The following CTSB variants were observed in gnomAD, a reference collection of about 807,000 sequenced individuals.
The protein encoded by CTSB is APP secretase.
Under a neutral mutation model 44.3 loss-of-function variants are expected in CTSB, and 57 were observed. That is an observed-to-expected ratio of 1.29 (90% CI 1.04 to 1.60). The LOEUF (loss-of-function observed/expected upper bound fraction) is 1.60. Ranked by LOEUF, CTSB falls within the 40% of genes most tolerant of loss-of-function variation. The pLI is 0.00. For missense variants in CTSB, 768 were observed against 443.0 expected (o/e 1.73, Z -6.59); for synonymous variants, 320 against 168.0 (o/e 1.91, Z -7.00).
At position 11,853,483 on chromosome 8, in the gene CTSB, G is replaced by C; in HGVS notation, c.-25-4C>G. On this transcript the variant is annotated splice_polypyrimidine_tract_variant and splice_region_variant and intron_variant, in intron 1 of 9. Transcript: ENST00000353047. ...GGAAGCCGGATCCTAGATCCACCTG[G>C]AGAGGACAGAGGGCATCAGGACACC... The C allele has an allele frequency of 2.5e-6, 4 of 1,608,110 alleles. No homozygotes were observed. The highest frequency in any genetic ancestry group is 3.4e-6 in the Non-Finnish European group (4 of 1,178,326).
chr8:11,867,474 T>A (rs1817325747), intron 1 of CTSB: 1 of 152,308 alleles, frequency 6.6e-6, no homozygotes. Context: ...ACCTGTCTTC[T>A]GGGGTCCCAG....
At chr8:11,854,782 G>A (rs1394003128) in intron 1 of CTSB, 1 of 152,226 alleles carries the variant, frequency 6.6e-6, no homozygotes, top group East Asian at 1.9e-4. Context: ...CACCCAGCCA[G>A]TGGAAAAGAG....
At chr8:11,848,564 A>G (rs1563392583) in intron 5 of CTSB, 6 of 340,862 alleles carry the variant, frequency 1.8e-5, no homozygotes, top group Non-Finnish European at 1.2e-5. Flanking sequence ...AAGCCCATGC[A>G]TTTTTTTAAG....
rs1300546462 is a variant in CTSB at position 11,843,797 on chromosome 8, G to A, written c.*1328C>T. On this transcript the variant is annotated 3_prime_UTR_variant, in exon 10 of 10. Transcript: ENST00000353047. Reference sequence around the variant, plus strand: ...TGTAATCCCAACACTTTGGGAGGCTGAGGCAGGCAGACCACCTGAGGCCGG... The same window carrying A: ...TGTAATCCCAACACTTTGGGAGGCTAAGGCAGGCAGACCACCTGAGGCCGG... 21 of 152,312 alleles carry A rather than the reference G, an allele frequency of 1.4e-4. No individual in the cohort carries two copies. The highest frequency in any genetic ancestry group is 4.6e-4 in the African/African-American group (19 of 41,524). The allele number at this position is 152,312 out of a possible 1,614,324, so 9.4% of individuals were successfully genotyped here. A position where few individuals can be genotyped will look rare whatever the true frequency, so the allele number is the denominator to read the frequency against.
intron 9 of CTSB, 152 bp from the exon 10 acceptor site, chr8:11,845,374 C>G (rs539808130): frequency 1.3e-5 from 9 of 681,186 alleles, no homozygotes; most frequent in East Asian, 8.1e-5. Flanking sequence ...CTTCTGGAGC[C>G]GTGGGGCACA....
At chr8:11,859,022 G>C (rs1815964290) in intron 1 of CTSB, among the ~76,000 whole-genome samples, 1 of 152,134 alleles carries the variant, frequency 6.6e-6, no homozygotes, top group Non-Finnish European at 1.5e-5. Context: ...GCGGGCTGGT[G>C]GAAGAACAGC....
At chr8:11,855,293 G>C (rs1163563622) in intron 1 of CTSB, among the ~76,000 whole-genome samples, 3 of 152,150 alleles carry the variant, frequency 2.0e-5, no homozygotes, top group African/African-American at 7.2e-5. Flanking sequence ...GTGCTGCGAT[G>C]ACAGGCGTGA....
chr8:11,850,772 T>C, intron 4 of CTSB, 94 bp downstream of exon 4: 1 of 783,124 alleles, frequency 1.3e-6, no homozygotes, highest in Non-Finnish European at 2.1e-6. Context: ...TAACTTGCCT[T>C]GTCAGAGTTG....
intron 9 of CTSB, 40 bp from the exon 10 acceptor site, chr8:11,845,262 G>T (rs755024290): frequency 6.8e-7 from 1 of 1,469,362 alleles, no homozygotes; most frequent in Non-Finnish European, 9.5e-7. Context: ...GTGTGACAAG[G>T]GTCAACCAAT....
At chr8:11,852,430 T>C (rs190351059) in intron 3 of CTSB, among the ~76,000 whole-genome samples, 180 bp downstream of exon 3, 5 of 151,882 alleles carry the variant, frequency 3.3e-5, no homozygotes, top group African/African-American at 1.2e-4. Context: ...AAAAATAAAA[T>C]AAAAAGAGAA....
intron 1 of CTSB, among the ~76,000 whole-genome samples, chr8:11,861,842 G>A (rs984034338): frequency 1.4e-4 from 21 of 152,278 alleles, no homozygotes; most frequent in African/African-American, 4.6e-4. Context: ...AGAACACGGC[G>A]GTTCCCTAAT....
At chr8:11,864,406 G>C (rs566554252) in intron 1 of CTSB, 1 of 150,286 alleles carries the variant, frequency 6.7e-6, no homozygotes, top group Admixed American at 6.7e-5. Flanking sequence ...GAACCAGATC[G>C]CTTACATCTG....
intron 5 of CTSB, 102 bp downstream of exon 5, chr8:11,848,944 C>G (rs111737488): frequency 1.3e-6 from 1 of 798,076 alleles, no homozygotes; most frequent in Non-Finnish European, 2.1e-6. Flanking sequence ...ACACTTCTGA[C>G]TCGCAGCAGT....
At chr8:11,861,526 C>G (rs1336616208) in intron 1 of CTSB, 2 of 152,358 alleles carry the variant, frequency 1.3e-5, no homozygotes, top group African/African-American at 4.8e-5. Context: ...ACCCCACATC[C>G]TGCAGACAAA....
chr8:11,844,211 G>C lies in CTSB; in HGVS notation c.*914C>G, dbSNP rs761257261. 2.0e-5 allele frequency: 3 copies of C among 152,180 alleles called. No homozygotes were observed. The highest frequency in any genetic ancestry group is 7.2e-5 in the African/African-American group (3 of 41,434). The allele number at this position is 152,180 out of a possible 1,614,324, so 9.4% of individuals were successfully genotyped here. A position where few individuals can be genotyped will look rare whatever the true frequency, so the allele number is the denominator to read the frequency against. Reference sequence around the variant, plus strand: ...AAGTTAAGATGAAGTCCCAAGAGTCGCAAGAACATGCAGTTCCAGGACGTG... The same window carrying C: ...AAGTTAAGATGAAGTCCCAAGAGTCCCAAGAACATGCAGTTCCAGGACGTG... On this transcript the variant is annotated 3_prime_UTR_variant, in exon 10 of 10. Transcript: ENST00000353047.
chr8:11,845,568 G>A (rs1393738490), intron 9 of CTSB, 93 bp downstream of exon 9: 4 of 1,477,262 alleles, frequency 2.7e-6, no homozygotes, highest in African/African-American at 2.8e-5. Flanking sequence ...CAGGGTTTAA[G>A]GCTGTGCGGT....
At chr8:11,858,046 C>G (rs1317906462) in intron 1 of CTSB, 1 of 152,220 alleles carries the variant, frequency 6.6e-6, no homozygotes. Flanking sequence ...TGACCTTCCC[C>G]AAGCCTCAGT....
At chr8:11,848,457 A>C (rs905992214) in intron 5 of CTSB, 2 of 478,704 alleles carry the variant, frequency 4.2e-6, no homozygotes, top group East Asian at 4.2e-5. Context: ...CTGATTCTCA[A>C]CTGAGCAGAC....
In CTSB at chr8:11,842,865, G is replaced by C. The variant is rs1235833380; in HGVS notation, c.*2260C>G. 6.7e-6 allele frequency: 1 copy of C among 150,178 alleles called. No homozygotes were observed. Among genetic ancestry groups the C allele is most frequent in the Non-Finnish European group, 1.5e-5 (1 of 67,850 alleles). The allele number at this position is 150,178 out of a possible 1,614,324, so 9.3% of individuals were successfully genotyped here. A position where few individuals can be genotyped will look rare whatever the true frequency, so the allele number is the denominator to read the frequency against. ...TGCCAAGGCTGATCTCAAAACTCCT[G>C]ACCTCAGGTGATCTGCCCGCCTCAG... On this transcript the variant is annotated 3_prime_UTR_variant, in exon 10 of 10. Coordinates refer to ENST00000353047, the MANE Select transcript of CTSB (RefSeq NM_001908.5).
Sources: gnomAD v4.1 joint callset for allele counts (sites outside exome capture counted in the v4.1 genomes callset) on GRCh38, gnomAD v4.1.1 for gene constraint, MANE v1.5 for transcripts, NCBI Gene and HGNC (gene_info 2026-07-23, HGNC 2026-07-21) for gene names.